Variants in SHISA6 observed in about 807,000 individuals in gnomAD.
SHISA6 encodes the protein shisa family member 6, also known as protein shisa-6.
Under a neutral mutation model 47.9 loss-of-function variants are expected in SHISA6, and 22 were observed. The observed-to-expected ratio is 0.46, with a 90% confidence interval of 0.33 to 0.66. The LOEUF is 0.66. Among genes scored for constraint, SHISA6 ranks in the 30% least tolerant of loss-of-function variants. The pLI, the probability that SHISA6 is intolerant of heterozygous loss-of-function variation, is 0.02. For synonymous variants in SHISA6, 388 were observed against 337.8 expected, an observed-to-expected ratio of 1.15 and a Z score of -1.63; for missense variants, 680 against 764.6, an observed-to-expected ratio of 0.89 and a Z score of 1.30.
Position 11,263,388 on chromosome 17 carries a change from C to G in SHISA6, c.661C>G (p.Gln221Glu). 6.4e-7 allele frequency: 1 copy of G among 1,552,148 alleles called. No homozygotes were observed. Among genetic ancestry groups the G allele is most frequent in the South Asian group, 1.2e-5 (1 of 84,062 alleles). Reference sequence around the variant, plus strand: ...TAGGGCTCTGGCTGACATCTTAAGACAACAGGGACCAATCCCCATAGCACA... The same window carrying G: ...TAGGGCTCTGGCTGACATCTTAAGAGAACAGGGACCAATCCCCATAGCACA... ...IHRALADILR[Q>E]QGPIPIAHCE... Residue 221 changes from glutamine to glutamate, a missense_variant, in exon 2 of 6, where the codon CAA becomes GAA. Coordinates refer to ENST00000441885, the MANE Select transcript of SHISA6 (RefSeq NM_207386.4).
intron 1 of SHISA6, among the ~76,000 whole-genome samples, chr17:11,248,366 A>C (rs1907670626): frequency 6.6e-6 from 1 of 152,194 alleles, no homozygotes; most frequent in Non-Finnish European, 1.5e-5. Flanking sequence ...CAAGTGAGGC[A>C]ACTGAAATTC....
intron 2 of SHISA6, among the ~76,000 whole-genome samples, chr17:11,293,426 C>T (rs1258104788): frequency 6.6e-6 from 1 of 152,114 alleles, no homozygotes; most frequent in Admixed American, 6.5e-5. Flanking sequence ...TCGGCAGTGC[C>T]CTTTACTAAG....
At chr17:11,462,037 G>GAA (rs1915704876) in intron 3 of SHISA6, among the ~76,000 whole-genome samples, 1 of 152,166 alleles carries the variant, frequency 6.6e-6, no homozygotes, top group Non-Finnish European at 1.5e-5. Context: ...GTAAGCCTTA[G>GAA]AGAAATGCAA....
intron 2 of SHISA6, chr17:11,290,914 A>G (rs1909511596): frequency 6.6e-6 from 1 of 151,966 alleles, no homozygotes; most frequent in South Asian, 2.1e-4. Context: ...TTCGCCTTGA[A>G]TGTGTCATGC....
intron 3 of SHISA6, among the ~76,000 whole-genome samples, chr17:11,483,334 G>A (rs926336067): frequency 2.7e-5 from 4 of 149,498 alleles, no homozygotes; most frequent in East Asian, 2.0e-4. Flanking sequence ...ACCAAAATAC[G>A]AATAATAATA....
intron 2 of SHISA6, among the ~76,000 whole-genome samples, chr17:11,317,012 T>G (rs1455111661): frequency 1.3e-5 from 2 of 152,174 alleles, no homozygotes; most frequent in Non-Finnish European, 2.9e-5. Flanking sequence ...TGAGCTCCTG[T>G]TACCATTTCT....
In SHISA6 at chr17:11,241,866, G is replaced by A. The variant is rs1441726300; in HGVS notation, c.444G>A (p.Pro148=). ...GCCAGTGCACCAACTACCAGAGCCC[G>A]GTGTGGGTACAGACGCCCAGCACCA... is the stretch of plus-strand genomic sequence containing the variant. ...DQRQCTNYQS[P]VWVQTPSTKV... is the part of the protein sequence containing the mutation. Residue 148 remains proline, a synonymous_variant, in exon 1 of 6, where the codon CCG becomes CCA. Coordinates refer to ENST00000441885, the MANE Select transcript of SHISA6 (RefSeq NM_207386.4). This position sits in a 1 kb window ranked among gnomAD's most constrained non-coding sequence, Gnocchi z 5.5. 1.3e-6 allele frequency: 2 copies of A among 1,551,294 alleles called. No homozygotes were observed. Among genetic ancestry groups the A allele is most frequent in the East Asian group, 2.4e-5 (1 of 40,906 alleles).
At chr17:11,464,582 C>G (rs1915765246) in intron 3 of SHISA6, among the ~76,000 whole-genome samples, 1 of 152,206 alleles carries the variant, frequency 6.6e-6, no homozygotes, top group East Asian at 1.9e-4. Context: ...GGGAGCCAAG[C>G]AAGCTCAGAG....
intron 3 of SHISA6, among the ~76,000 whole-genome samples, chr17:11,413,241 G>A (rs183836542): frequency 7.9e-5 from 12 of 152,274 alleles, no homozygotes; most frequent in South Asian, 4.1e-4. Flanking sequence ...TCAGACTTTC[G>A]ATGATACGTC....
At chr17:11,509,155 G>A (rs542301071) in intron 3 of SHISA6, among the ~76,000 whole-genome samples, 1 of 152,326 alleles carries the variant, frequency 6.6e-6, no homozygotes, top group East Asian at 1.9e-4. Flanking sequence ...GGTGAAAGAA[G>A]TGTCGGAAGG....
intron 3 of SHISA6, among the ~76,000 whole-genome samples, chr17:11,450,226 G>C (rs1172156562): frequency 6.6e-6 from 1 of 152,026 alleles, no homozygotes; most frequent in Admixed American, 6.5e-5. Flanking sequence ...TTGAATTTAG[G>C]GGCCCACCCC....
chr17:11,322,051 G>T (rs200054586), intron 2 of SHISA6, among the ~76,000 whole-genome samples: 2 of 151,994 alleles, frequency 1.3e-5, no homozygotes, highest in East Asian at 1.9e-4. Context: ...TTTTGTGGTT[G>T]CTCTAGGGAT....
intron 2 of SHISA6, among the ~76,000 whole-genome samples, chr17:11,357,187 CAA>C (rs60564976): frequency 2.2e-5 from 2 of 90,130 alleles, no homozygotes; most frequent in African/African-American, 4.7e-5. Context: ...GACTCCGTCT[CAA>C]AAAAAAAAAA....
At chr17:11,336,576 C>A (rs1911330671) in intron 2 of SHISA6, among the ~76,000 whole-genome samples, 1 of 152,290 alleles carries the variant, frequency 6.6e-6, no homozygotes, top group African/African-American at 2.4e-5. Flanking sequence ...TTCTCAACGT[C>A]ACACGCCTGG....
intron 3 of SHISA6, among the ~76,000 whole-genome samples, chr17:11,397,430 T>TGTGTGTGTGTGTGTGTGTGTG (rs1555532586): frequency 6.6e-6 from 1 of 150,832 alleles, no homozygotes; most frequent in Non-Finnish European, 1.5e-5. Flanking sequence ...TGTGTGTGTG[T>TGTGTGTGTGTGTGTGTGTGTG]TCACTACCTT....
intron 3 of SHISA6, among the ~76,000 whole-genome samples, chr17:11,455,799 A>G (rs2142309505): frequency 6.6e-6 from 1 of 152,340 alleles, no homozygotes; most frequent in East Asian, 1.9e-4. Context: ...CAGTGGGTGC[A>G]CTACCTACTG....
rs1344808184 is a variant in SHISA6 at position 11,551,986 on chromosome 17, CCTT to C, written c.952+35_952+37del. On this transcript the variant is annotated intron_variant, in intron 4 of 5. Transcript: ENST00000441885. ...TGATTGAGAGCACTCTGCATTTCCT[CCTT>C]ATTTCGAGTGGCACCATTCTAAGGA... 7.8e-6 allele frequency: 12 copies of C among 1,547,216 alleles called. No individual in the cohort carries two copies. In the East Asian group the frequency reaches 2.7e-4, roughly 35 times the overall value.
intron 3 of SHISA6, among the ~76,000 whole-genome samples, chr17:11,467,378 C>A (rs1474746193): frequency 2.6e-5 from 4 of 152,196 alleles, no homozygotes; most frequent in Admixed American, 2.0e-4. Context: ...CCTCTAATTT[C>A]TGTTACCTTG....
chr17:11,533,573 G>T (rs2071756325), intron 3 of SHISA6, among the ~76,000 whole-genome samples: 1 of 147,490 alleles, frequency 6.8e-6, no homozygotes. Context: ...TCTTTTTGAA[G>T]CTTCCCTTTC....
Sources: gnomAD v4.1 joint callset for allele counts (sites outside exome capture counted in the v4.1 genomes callset) on GRCh38, gnomAD v4.1.1 for gene constraint, Gnocchi (gnomAD v3.1) non-coding constraint, MANE v1.5 for transcripts, NCBI Gene and HGNC (gene_info 2026-07-23, HGNC 2026-07-21) for gene names.